CFAP20DC: variants seen among roughly 807,000 people sequenced by gnomAD.
CFAP20DC encodes the protein protein CFAP20DC.
A neutral mutation model predicts 101.7 loss-of-function variants in CFAP20DC; 84 were observed. The observed-to-expected ratio is 0.83, with a 90% CI of 0.69 to 0.99. CFAP20DC has a LOEUF of 0.99. Ranked by LOEUF, CFAP20DC falls within the 50% of genes least tolerant of loss-of-function variation. The pLI, the probability that CFAP20DC is intolerant of heterozygous loss-of-function variation, is 0.00. For missense variants in CFAP20DC, 1,007 were observed against 970.3 expected (o/e 1.04, Z -0.50); for synonymous variants, 359 against 351.2 (o/e 1.02, Z -0.25).
chr3:58,975,815 A>G (rs997380737), intron 4 of CFAP20DC, among the ~76,000 whole-genome samples: 1 of 151,944 alleles, frequency 6.6e-6, no homozygotes, highest in Non-Finnish European at 1.5e-5. Flanking sequence ...TTTTTAATTG[A>G]AGAAAGTGAA....
intron 14 of CFAP20DC, among the ~76,000 whole-genome samples, chr3:58,821,702 G>T (rs1051452907): frequency 6.6e-6 from 1 of 151,604 alleles, no homozygotes; most frequent in African/African-American, 2.4e-5. Flanking sequence ...TGCTGGGACT[G>T]TAAACTAGTT....
intron 4 of CFAP20DC, among the ~76,000 whole-genome samples, chr3:58,982,378 T>A (rs1327226992): frequency 6.6e-6 from 1 of 152,168 alleles, no homozygotes; most frequent in Non-Finnish European, 1.5e-5. Context: ...CCCAAAGGAT[T>A]AGAAATCTTG....
In CFAP20DC at chr3:58,753,774, ACACT is replaced by A; in HGVS notation, c.2323_2326del (p.Ser775PhefsTer16). Reference sequence around the variant, plus strand: ...ATCGTTTTTCATAGTCCCACCTTGAACACTCAAACTTTCACAGGAATCTGGACGC... The same window carrying A: ...ATCGTTTTTCATAGTCCCACCTTGAACAAACTTTCACAGGAATCTGGACGC... On this transcript the variant is annotated frameshift_variant, in exon 16 of 17. Transcript: ENST00000482387. LOFTEE classifies it high-confidence loss of function. 6.2e-7 allele frequency: 1 copy of A among 1,608,156 alleles called. No individual in the cohort carries two copies. Among genetic ancestry groups the A allele is most frequent in the Non-Finnish European group, 8.5e-7 (1 of 1,175,398 alleles).
intron 15 of CFAP20DC, among the ~76,000 whole-genome samples, chr3:58,776,142 G>A (rs1474039843): frequency 1.3e-5 from 2 of 152,128 alleles, no homozygotes; most frequent in Non-Finnish European, 2.9e-5. Flanking sequence ...ATATGGGGGT[G>A]AGCATGAGAC....
intron 15 of CFAP20DC, among the ~76,000 whole-genome samples, chr3:58,765,218 C>T (rs558530188): frequency 2.6e-5 from 4 of 152,114 alleles, no homozygotes; most frequent in Admixed American, 2.0e-4. Flanking sequence ...ATTTTATATA[C>T]ATTTATTTTA....
chr3:58,946,307 A>T (rs997705782), intron 4 of CFAP20DC, among the ~76,000 whole-genome samples: 2 of 151,318 alleles, frequency 1.3e-5, no homozygotes, highest in African/African-American at 4.9e-5. Flanking sequence ...TAGTAGAGAC[A>T]GGTTTCACTA....
At chr3:58,872,911 G>A (rs758104634) in intron 7 of CFAP20DC, among the ~76,000 whole-genome samples, 10 of 150,160 alleles carry the variant, frequency 6.7e-5, no homozygotes, top group South Asian at 2.1e-4. Flanking sequence ...GCAGAATTCC[G>A]GATTCCTATT....
intron 7 of CFAP20DC, 80 bp downstream of exon 7, chr3:58,884,465 T>A: frequency 7.6e-7 from 1 of 1,314,646 alleles, no homozygotes; most frequent in Non-Finnish European, 1.1e-6. Context: ...TGAGGTACAG[T>A]GCCCTTTTTG....
At chr3:58,800,003 A>T (rs900659780) in intron 15 of CFAP20DC, among the ~76,000 whole-genome samples, 1 of 152,148 alleles carries the variant, frequency 6.6e-6, no homozygotes, top group Non-Finnish European at 1.5e-5. Flanking sequence ...CCAAGCCTGG[A>T]GTATCAGAGG....
At chr3:58,781,815 C>A (rs1575623139) in intron 15 of CFAP20DC, among the ~76,000 whole-genome samples, 1 of 152,026 alleles carries the variant, frequency 6.6e-6, no homozygotes, top group South Asian at 2.1e-4. Context: ...GAAGAAAAGT[C>A]CAGTACCAGA....
In CFAP20DC at chr3:58,923,258, T is replaced by C. The variant is rs368478680; in HGVS notation, c.394-9394A>G. 2.1e-3 allele frequency among the ~76,000 whole-genome samples: 321 copies of C among 152,330 alleles called. 4 individuals carry two copies. Among genetic ancestry groups the C allele is most frequent in the African/African-American group, 6.0e-3 (250 of 41,582 alleles). On this transcript the variant is annotated intron_variant, in intron 5 of 16. Coordinates refer to ENST00000482387, the MANE Select transcript of CFAP20DC (RefSeq NM_001394063.1). ...AAACAATCAAATACTTTTAAACGAA[T>C]TGTAATAATGAATGATTTCTTTTTA...
At chr3:59,034,852 C>T (rs1352271662) in intron 4 of CFAP20DC, among the ~76,000 whole-genome samples, 1 of 152,190 alleles carries the variant, frequency 6.6e-6, no homozygotes, top group South Asian at 2.1e-4. Flanking sequence ...AACTAATAGA[C>T]ATCTACAGAA....
intron 4 of CFAP20DC, among the ~76,000 whole-genome samples, chr3:58,953,250 T>C (rs1487693665): frequency 1.3e-5 from 2 of 152,156 alleles, no homozygotes; most frequent in Non-Finnish European, 2.9e-5. Flanking sequence ...TCTGCTATAG[T>C]GTATCTTTCA....
chr3:58,906,897 A>C (rs2083645226), intron 6 of CFAP20DC, among the ~76,000 whole-genome samples: 1 of 152,162 alleles, frequency 6.6e-6, no homozygotes, highest in African/African-American at 2.4e-5. Context: ...CCACTGCACT[A>C]CAGCCTGGGC....
In CFAP20DC at chr3:59,033,189, C is replaced by T. The variant is rs531551746; in HGVS notation, c.278+6368G>A. The stretch of plus-strand genomic sequence containing the variant: ...AAGGATGTCCACACAAAAACCCATC[C>T]GAAGGTCACCAACATCAAAGACCAA... On this transcript the variant is annotated intron_variant, in intron 4 of 16. Transcript: ENST00000482387. Among the ~76,000 whole-genome samples, 9 of 152,172 alleles carry T rather than the reference C, an allele frequency of 5.9e-5. No individual in the cohort carries two copies. In the South Asian group the frequency reaches 1.2e-3, roughly 21 times the overall value.
At chr3:58,776,422 C>T (rs945493371) in intron 15 of CFAP20DC, among the ~76,000 whole-genome samples, 1 of 152,038 alleles carries the variant, frequency 6.6e-6, no homozygotes, top group Non-Finnish European at 1.5e-5. Context: ...CAACGTGAGA[C>T]CCTTATGGGC....
chr3:58,739,995 G>C (rs1368813364), downstream of CFAP20DC, among the ~76,000 whole-genome samples: 1 of 152,138 alleles, frequency 6.6e-6, no homozygotes, highest in African/African-American at 2.4e-5. Context: ...CCACAGAAGA[G>C]GGTCCTGGTG....
At chr3:58,737,067 A>G (rs983777479), downstream of CFAP20DC, 7 of 397,282 alleles carry the variant, frequency 1.8e-5, no homozygotes, top group African/African-American at 8.4e-5. This position sits in a 1 kb window ranked among gnomAD's most constrained non-coding sequence, Gnocchi z 4.1. Flanking sequence ...ACCTACAGTT[A>G]TAAGTTTGTA....
chr3:58,746,511 T>C (rs2068216223), intron 16 of CFAP20DC, among the ~76,000 whole-genome samples: 2 of 152,204 alleles, frequency 1.3e-5, no homozygotes, highest in African/African-American at 4.8e-5. Flanking sequence ...ACAACCATTG[T>C]AATGGCCATG....
Sources: allele counts gnomAD v4.1 joint callset (sites outside exome capture counted in the v4.1 genomes callset), GRCh38; gene constraint gnomAD v4.1.1; non-coding constraint Gnocchi (gnomAD v3.1); transcripts MANE v1.5; gene names NCBI Gene and HGNC (gene_info 2026-07-23, HGNC 2026-07-21).